Variants in PTK2 observed in about 807,000 individuals in gnomAD.
The protein encoded by PTK2 is focal adhesion kinase 1.
In PTK2, 45 loss-of-function variants were observed where a neutral mutation model predicts 150.1. The observed-to-expected ratio is 0.30, with a 90% CI of 0.24 to 0.38. The LOEUF (loss-of-function observed/expected upper bound fraction) is 0.38. Among genes scored for constraint, PTK2 ranks in the 10% least tolerant of loss-of-function variants. The pLI is 1.00. For synonymous variants in PTK2, 432 were observed against 449.2 expected (o/e 0.96, Z 0.48); for missense variants, 919 against 1,307.3 (o/e 0.70, Z 4.58).
At chr8:140,669,372 A>G (rs941003480) in intron 29 of PTK2, 10 of 162,020 alleles carry the variant, frequency 6.2e-5, no homozygotes, top group Non-Finnish European at 1.2e-4. Flanking sequence ...CTTGTAGTAC[A>G]TATAGTTTAA....
intron 22 of PTK2, chr8:140,718,349 C>A (rs1253387055): frequency 1.3e-5 from 2 of 152,250 alleles, no homozygotes; most frequent in Non-Finnish European, 2.9e-5. Context: ...TATCTGAAGT[C>A]CCACATAACG....
At chr8:140,839,348 G>C (rs1480193593) in intron 7 of PTK2, among the ~76,000 whole-genome samples, 1 of 152,124 alleles carries the variant, frequency 6.6e-6, no homozygotes, top group Non-Finnish European at 1.5e-5. Flanking sequence ...CCCAGTCTAG[G>C]GCCACCAGCC....
intron 1 of PTK2, among the ~76,000 whole-genome samples, chr8:140,937,539 T>C (rs888050130): frequency 6.6e-6 from 1 of 150,634 alleles, no homozygotes; most frequent in African/African-American, 2.4e-5. Flanking sequence ...TGCTAGTATG[T>C]ATCTCCCAAG....
At chr8:140,874,224 C>A (rs928750235) in intron 4 of PTK2, among the ~76,000 whole-genome samples, 1 of 152,172 alleles carries the variant, frequency 6.6e-6, no homozygotes, top group African/African-American at 2.4e-5. Context: ...GTGCTGCAAG[C>A]TAGCTTACCA....
chr8:140,935,815 C>A (rs1456354507), intron 1 of PTK2, among the ~76,000 whole-genome samples: 3 of 149,882 alleles, frequency 2.0e-5, no homozygotes, highest in Non-Finnish European at 4.4e-5. Flanking sequence ...GGACTACAGG[C>A]ATCCGCCACC....
At chr8:140,836,052 G>C (rs923207472) in intron 7 of PTK2, among the ~76,000 whole-genome samples, 8 of 152,002 alleles carry the variant, frequency 5.3e-5, no homozygotes, top group African/African-American at 1.9e-4. Context: ...CCCTGAACTG[G>C]AATAACTGGG....
At chr8:140,741,121 A>G (rs1451716447) in intron 20 of PTK2, among the ~76,000 whole-genome samples, 5 of 144,160 alleles carry the variant, frequency 3.5e-5, no homozygotes, top group African/African-American at 5.2e-5. Flanking sequence ...TCCAGCCTGG[A>G]CGACAGAACG....
At chr8:140,730,076 T>C (rs1363262977) in intron 22 of PTK2, among the ~76,000 whole-genome samples, 2 of 152,240 alleles carry the variant, frequency 1.3e-5, no homozygotes, top group Non-Finnish European at 2.9e-5. Context: ...TTGCTATCAA[T>C]GCACATGGTA....
intron 29 of PTK2, among the ~76,000 whole-genome samples, chr8:140,671,684 C>A (rs1055570682): frequency 6.8e-6 from 1 of 146,022 alleles, no homozygotes; most frequent in East Asian, 2.1e-4. Flanking sequence ...GAGGCCGAGG[C>A]GGGCGGATCA....
chr8:140,826,733 G>A (rs1268833510), intron 8 of PTK2, among the ~76,000 whole-genome samples: 1 of 151,970 alleles, frequency 6.6e-6, no homozygotes, highest in Non-Finnish European at 1.5e-5. Flanking sequence ...AGGGCAACAT[G>A]GTAAAACCGT....
chr8:140,965,514 G>A (rs1438740775), intron 1 of PTK2, among the ~76,000 whole-genome samples: 1 of 152,148 alleles, frequency 6.6e-6, no homozygotes, highest in African/African-American at 2.4e-5. Context: ...GGAATCTTGT[G>A]GTGAAGCTTA....
At position 140,840,068 on chromosome 8, in the gene PTK2, T is replaced by A. The variant is rs1423825604; in HGVS notation, c.593+6192A>T. Among the ~76,000 whole-genome samples the A allele has an allele frequency of 3.3e-5, 5 of 152,110 alleles. No individual in the cohort carries two copies. In the East Asian group the frequency reaches 9.6e-4, roughly 29 times the overall value. ...AGAAGGGTGGTCTGAGATACAAAAATGGTTATTTTAAGCAAGGTCTTCCTC... is the reference window on the plus strand; with the variant it reads ...AGAAGGGTGGTCTGAGATACAAAAAAGGTTATTTTAAGCAAGGTCTTCCTC... On this transcript the variant is annotated intron_variant, in intron 7 of 31. Transcript: ENST00000522684.
At chr8:140,764,074 G>A in intron 15 of PTK2, 160 bp downstream of exon 17, 1 of 709,024 alleles carries the variant, frequency 1.4e-6, no homozygotes, top group South Asian at 1.7e-5. Context: ...GTGGGCATAT[G>A]TAAGTAATAT....
intron 1 of PTK2, among the ~76,000 whole-genome samples, chr8:140,952,887 A>C (rs1190283174): frequency 6.6e-6 from 1 of 152,210 alleles, no homozygotes; most frequent in Non-Finnish European, 1.5e-5. Context: ...AAGTAATATA[A>C]TCTCTCTAGG....
At chr8:140,983,438 T>C (rs1019771319) in intron 1 of PTK2, among the ~76,000 whole-genome samples, 13 of 150,082 alleles carry the variant, frequency 8.7e-5, no homozygotes, top group African/African-American at 3.2e-4. Context: ...TCTGAGAAAC[T>C]GAAACGATAT....
At position 140,659,976 on chromosome 8, in the gene PTK2, AT is replaced by A. The variant is rs950325820; in HGVS notation, c.2947-299del. 3.1e-3 allele frequency among the ~76,000 whole-genome samples: 463 copies of A among 150,904 alleles called. 5 individuals are homozygous for A. The highest frequency in any genetic ancestry group is 0.01 in the African/African-American group (424 of 41,208). ...ATAGGATGTAAAAATCAATCTTTAA[AT>A]TTTTTTTTTCTTATTTTAACTTCCC... On this transcript the variant is annotated intron_variant, in intron 31 of 31. Transcript: ENST00000522684.
chr8:140,713,250 A>G (rs1315153065), intron 23 of PTK2, among the ~76,000 whole-genome samples: 7 of 152,136 alleles, frequency 4.6e-5, no homozygotes, highest in Non-Finnish European at 8.8e-5. Context: ...CTATTAGCGG[A>G]AAAGGCAAAT....
intron 1 of PTK2, among the ~76,000 whole-genome samples, chr8:140,999,177 CTTTA>C (rs971132924): frequency 2.6e-5 from 4 of 152,198 alleles, no homozygotes; most frequent in Admixed American, 1.3e-4. Context: ...ATTTCCATGT[CTTTA>C]TTTAACCAAT....
intron 4 of PTK2, among the ~76,000 whole-genome samples, chr8:140,872,409 T>A (rs1423085567): frequency 6.6e-6 from 1 of 152,226 alleles, no homozygotes; most frequent in African/African-American, 2.4e-5. Flanking sequence ...ACAATCAATA[T>A]GTTGACCATA....
Sources: allele counts gnomAD v4.1 joint callset (sites outside exome capture counted in the v4.1 genomes callset), GRCh38; gene constraint gnomAD v4.1.1; transcripts MANE v1.5; gene names NCBI Gene and HGNC (gene_info 2026-07-23, HGNC 2026-07-21).